The following COL4A3 variants were observed in gnomAD, a reference collection of about 807,000 sequenced individuals.
COL4A3 encodes the protein collagen type IV alpha 3 chain.
In COL4A3, 135 loss-of-function variants were observed where a neutral mutation model predicts 217.4. The observed-to-expected ratio is 0.62, with a 90% CI of 0.54 to 0.72. COL4A3 has a LOEUF of 0.72. Ranked by LOEUF, COL4A3 falls within the 30% of genes least tolerant of loss-of-function variation. COL4A3 has a pLI of 0.00. For missense variants in COL4A3, 1,868 were observed against 2,119.9 expected (o/e 0.88, Z 2.33); for synonymous variants, 690 against 736.3 (o/e 0.94, Z 1.02).
At chr2:227,285,350 G>A (rs1574790569) in intron 34 of COL4A3, among the ~76,000 whole-genome samples, 2 of 147,458 alleles carry the variant, frequency 1.4e-5, no homozygotes, top group South Asian at 4.3e-4. Context: ...TGACTAACTG[G>A]CAAGTTAGGA....
chr2:227,198,497 A>G (rs1455212527), intron 1 of COL4A3, among the ~76,000 whole-genome samples: 1 of 151,200 alleles, frequency 6.6e-6, no homozygotes, highest in African/African-American at 2.4e-5. Context: ...ACCTTATGTT[A>G]TCACTTCAAA....
chr2:227,279,776 T>C lies in COL4A3; in HGVS notation c.2126-17T>C, dbSNP rs2106146261. 1 of 1,551,848 alleles carries C rather than the reference T, an allele frequency of 6.4e-7. No homozygotes were observed. The highest frequency in any genetic ancestry group is 8.8e-7 in the Non-Finnish European group (1 of 1,131,214). On this transcript the variant is annotated splice_polypyrimidine_tract_variant and intron_variant, in intron 28 of 51. Coordinates refer to ENST00000396578, the MANE Select transcript of COL4A3 (RefSeq NM_000091.5). ...AAGACTAATCCTACAACAATGTTTA[T>C]TGTTTTTTCTCTGTAGGAGACCAAG... is the stretch of plus-strand genomic sequence containing the variant.
intron 1 of COL4A3, among the ~76,000 whole-genome samples, chr2:227,234,780 A>G (rs2068600456): frequency 6.6e-6 from 1 of 152,248 alleles, no homozygotes; most frequent in Non-Finnish European, 1.5e-5. Flanking sequence ...AAAGATTTCC[A>G]GTAGCATATG....
chr2:227,240,369 T>A, intron 3 of COL4A3, 137 bp downstream of exon 3: 1 of 814,298 alleles, frequency 1.2e-6, no homozygotes, highest in Non-Finnish European at 2.1e-6. Flanking sequence ...TGGTTTCCGG[T>A]ATTAGTGGGC....
At position 227,276,478 on chromosome 2, in the gene COL4A3, G is replaced by T; in HGVS notation, c.2020+1G>T. Reference sequence around the variant, plus strand: ...CATCCTGGCCCCCAAGGTCCACCTGGTAAGTATCCTCTGCCAAATCTGGTA... The same window carrying T: ...CATCCTGGCCCCCAAGGTCCACCTGTTAAGTATCCTCTGCCAAATCTGGTA... On this transcript the variant is annotated splice_donor_variant, in intron 27 of 51. Coordinates refer to ENST00000396578, the MANE Select transcript of COL4A3 (RefSeq NM_000091.5). LOFTEE classifies it high-confidence loss of function. 6.2e-7 allele frequency: 1 copy of T among 1,612,114 alleles called. No individual in the cohort carries two copies. Among genetic ancestry groups the T allele is most frequent in the Non-Finnish European group, 8.5e-7 (1 of 1,178,220 alleles).
At position 227,313,221 on chromosome 2, in the gene COL4A3, T is replaced by A. The variant is rs1006815985; in HGVS notation, c.*1351T>A. On this transcript the variant is annotated 3_prime_UTR_variant, in exon 52 of 52. Transcript: ENST00000396578. ...CCAGAAAAAGTAACTCATTGCTCTG[T>A]TAATAATCTCACATATACAAGTAGC... 4 of 152,626 alleles carry A rather than the reference T, an allele frequency of 2.6e-5. No homozygotes were observed. Among genetic ancestry groups the A allele is most frequent in the African/African-American group, 9.7e-5 (4 of 41,446 alleles). The allele number at this position is 152,626 out of a possible 1,614,324, so 9.5% of individuals were successfully genotyped here.
At chr2:227,183,065 T>C (rs2065907277) in intron 1 of COL4A3, among the ~76,000 whole-genome samples, 1 of 152,220 alleles carries the variant, frequency 6.6e-6, no homozygotes, top group Admixed American at 6.5e-5. Context: ...TTCAATTGGA[T>C]AAATCACTGA....
rs771472583 is a variant in COL4A3, at chr2:227,294,585, CT to C, written c.3418+18del. ...AGGCCCTCCAGGTTTCATTTTTGTA[CT>C]TTCTCTTTTTCCTTTTCATGTGGGA... On this transcript the variant is annotated intron_variant, in intron 39 of 51. Coordinates refer to ENST00000396578, the MANE Select transcript of COL4A3 (RefSeq NM_000091.5). 1.9e-6 allele frequency: 3 copies of C among 1,578,096 alleles called. No individual in the cohort carries two copies. The highest frequency in any genetic ancestry group is 2.6e-6 in the Non-Finnish European group (3 of 1,147,294).
chr2:227,207,323 T>C (rs1304471269), intron 1 of COL4A3, among the ~76,000 whole-genome samples: 1 of 152,152 alleles, frequency 6.6e-6, no homozygotes, highest in East Asian at 1.9e-4. Context: ...AAAAAATGCA[T>C]TTTAGTATAA....
intron 26 of COL4A3, among the ~76,000 whole-genome samples, chr2:227,274,688 G>A (rs1256854399): frequency 6.6e-6 from 1 of 152,040 alleles, no homozygotes; most frequent in Admixed American, 6.6e-5. Flanking sequence ...TAGTAGAGAT[G>A]GGGTTTCACC....
intron 26 of COL4A3, 143 bp downstream of exon 26, chr2:227,273,260 A>T: frequency 1.1e-6 from 1 of 918,392 alleles, no homozygotes; most frequent in East Asian, 2.6e-5. Context: ...ATACCAGGAA[A>T]GAATATGTAG....
At chr2:227,293,404 T>C in intron 38 of COL4A3, 87 bp downstream of exon 38, 1 of 1,434,764 alleles carries the variant, frequency 7.0e-7, no homozygotes, top group South Asian at 1.2e-5. Flanking sequence ...CAGAAAGCTA[T>C]TTATACTTTT....
At chr2:227,252,818 C>G (rs965805379) in intron 11 of COL4A3, among the ~76,000 whole-genome samples, 1 of 152,196 alleles carries the variant, frequency 6.6e-6, no homozygotes, top group Non-Finnish European at 1.5e-5. Flanking sequence ...AGTGAAGAAA[C>G]TATTCGCATT....
Position 227,254,662 on chromosome 2 carries a change from C to T in COL4A3, c.835C>T (p.Pro279Ser). The T allele has an allele frequency of 6.2e-7, 1 of 1,611,622 alleles. No homozygotes were observed. Among genetic ancestry groups the T allele is most frequent in the Non-Finnish European group, 8.5e-7 (1 of 1,177,820 alleles). ...EPGPPGPSGL[P>S]GESYGSEKGA... ...ATGGCTCTAATTAATACAGGGACTG[C>T]CTGGAGAATCATATGGATCTGAAAA... is the stretch of plus-strand genomic sequence containing the variant. Residue 279 changes from proline (P) to serine (S), a missense_variant, in exon 15 of 52, where the codon CCT becomes TCT. Coordinates refer to ENST00000396578, the MANE Select transcript of COL4A3 (RefSeq NM_000091.5).
chr2:227,269,564 T>G (rs576015820), intron 23 of COL4A3, among the ~76,000 whole-genome samples: 2 of 152,194 alleles, frequency 1.3e-5, no homozygotes, highest in Non-Finnish European at 2.9e-5. Flanking sequence ...TTGGCAAATA[T>G]TATCTTCTGG....
At chr2:227,299,378 G>C (rs1296593851) in intron 43 of COL4A3, among the ~76,000 whole-genome samples, 2 of 151,916 alleles carry the variant, frequency 1.3e-5, no homozygotes, top group East Asian at 3.9e-4. Flanking sequence ...CTGGGTGACA[G>C]AGTGAGACTC....
At chr2:227,224,986 A>G (rs1304423700) in intron 1 of COL4A3, among the ~76,000 whole-genome samples, 1 of 152,136 alleles carries the variant, frequency 6.6e-6, no homozygotes, top group Non-Finnish European at 1.5e-5. Context: ...ATTACAGCTC[A>G]CTGTGGCCTC....
At chr2:227,180,794 T>C (rs1368420422) in intron 1 of COL4A3, among the ~76,000 whole-genome samples, 1 of 152,196 alleles carries the variant, frequency 6.6e-6, no homozygotes, top group East Asian at 1.9e-4. Context: ...AGGAATGAGA[T>C]TCAATATCAG....
intron 1 of COL4A3, among the ~76,000 whole-genome samples, chr2:227,203,364 T>C (rs796918288): frequency 2.0e-5 from 1 of 50,786 alleles, no homozygotes; most frequent in Non-Finnish European, 3.4e-5. Context: ...TATATATACA[T>C]ATATGTGTAT....
Sources: allele counts gnomAD v4.1 joint callset (sites outside exome capture counted in the v4.1 genomes callset), GRCh38; gene constraint gnomAD v4.1.1; transcripts MANE v1.5; gene names NCBI Gene and HGNC (gene_info 2026-07-23, HGNC 2026-07-21).